The following UBE2E2 variants were observed in gnomAD, a reference collection of about 807,000 sequenced individuals.
The protein encoded by UBE2E2 is ubiquitin conjugating enzyme E2 E2, also known as ubiquitin-conjugating enzyme E2 E2.
In UBE2E2, 6 loss-of-function variants were observed where a neutral mutation model predicts 24.7. That is an observed-to-expected ratio of 0.24 (90% CI 0.13 to 0.48). The LOEUF (loss-of-function observed/expected upper bound fraction) is 0.48, where lower values mean the gene tolerates loss of function less well. Among genes scored for constraint, UBE2E2 ranks in the 20% least tolerant of loss-of-function variants. The probability of loss-of-function intolerance (pLI) is 0.99; values close to 1 mark genes in which losing one functional copy is unlikely to be tolerated. For synonymous variants in UBE2E2, 104 were observed against 83.6 expected, an observed-to-expected ratio of 1.24 and a Z score of -1.33; for missense variants, 169 against 245.0, an observed-to-expected ratio of 0.69 and a Z score of 2.07.
chr3:23,283,174 G>A (rs1435681383), intron 3 of UBE2E2, among the ~76,000 whole-genome samples: 2 of 151,964 alleles, frequency 1.3e-5, no homozygotes, highest in Admixed American at 6.6e-5. Context: ...AGGTTAGTAG[G>A]TGATGTCCCA....
intron 3 of UBE2E2, among the ~76,000 whole-genome samples, chr3:23,279,246 T>C (rs183259309): frequency 6.6e-6 from 1 of 151,962 alleles, no homozygotes; most frequent in East Asian, 1.9e-4. Context: ...TTCTTCAGTA[T>C]GTTAAAAAAT....
At chr3:23,343,020 C>A (rs1695441824) in intron 3 of UBE2E2, among the ~76,000 whole-genome samples, 1 of 151,998 alleles carries the variant, frequency 6.6e-6, no homozygotes, top group South Asian at 2.1e-4. Context: ...AACTAGTGGT[C>A]TGACATGAAA....
chr3:23,555,710 A>C (rs941681484), intron 5 of UBE2E2, among the ~76,000 whole-genome samples: 3 of 152,198 alleles, frequency 2.0e-5, no homozygotes, highest in African/African-American at 7.2e-5. Context: ...TTCAGCCTTT[A>C]AAAAGGAGAT....
intron 3 of UBE2E2, among the ~76,000 whole-genome samples, chr3:23,402,632 A>T (rs772190185): frequency 1.1e-4 from 16 of 152,226 alleles, no homozygotes; most frequent in Non-Finnish European, 2.1e-4. Context: ...ATTTAGAAAA[A>T]ATAACTTCAT....
chr3:23,567,518 T>A (rs960503919), intron 5 of UBE2E2, among the ~76,000 whole-genome samples: 5 of 152,052 alleles, frequency 3.3e-5, no homozygotes, highest in African/African-American at 1.2e-4. Flanking sequence ...AAGCAAAAGG[T>A]CACTTATAGG....
intron 3 of UBE2E2, among the ~76,000 whole-genome samples, chr3:23,284,898 C>G (rs1401718891): frequency 6.7e-6 from 1 of 149,184 alleles, no homozygotes; most frequent in Admixed American, 6.8e-5. Flanking sequence ...CCCTGTTGTT[C>G]TATCAAATAC....
intron 3 of UBE2E2, among the ~76,000 whole-genome samples, chr3:23,248,183 A>G (rs1408025125): frequency 6.6e-6 from 1 of 152,220 alleles, no homozygotes; most frequent in Non-Finnish European, 1.5e-5. Flanking sequence ...TCAGCTTCAC[A>G]CATTTCTGTA....
At chr3:23,355,899 C>G (rs773982974) in intron 3 of UBE2E2, among the ~76,000 whole-genome samples, 2 of 152,310 alleles carry the variant, frequency 1.3e-5, no homozygotes, top group East Asian at 1.9e-4. Flanking sequence ...AAAATTATAT[C>G]TCTTACGTAA....
intron 3 of UBE2E2, among the ~76,000 whole-genome samples, chr3:23,477,019 A>G (rs1475386754): frequency 2.0e-5 from 3 of 152,152 alleles, no homozygotes; most frequent in African/African-American, 7.3e-5. Flanking sequence ...AAAGAGATGT[A>G]ATTATTAACA....
chr3:23,356,915 T>G (rs895816942), intron 3 of UBE2E2, among the ~76,000 whole-genome samples: 1 of 152,196 alleles, frequency 6.6e-6, no homozygotes, highest in Non-Finnish European at 1.5e-5. Context: ...CATCAAAAGT[T>G]TATTTCTCCT....
At chr3:23,260,735 G>A (rs925849531) in intron 3 of UBE2E2, among the ~76,000 whole-genome samples, 4 of 152,106 alleles carry the variant, frequency 2.6e-5, no homozygotes, top group African/African-American at 7.2e-5. Context: ...CGAGGCTGTG[G>A]TAAGCTGTGT....
intron 5 of UBE2E2, among the ~76,000 whole-genome samples, chr3:23,561,553 G>A (rs1232252150): frequency 2.0e-5 from 3 of 151,400 alleles, no homozygotes; most frequent in Admixed American, 6.6e-5. Context: ...TTGGCAATGC[G>A]GGCTCTTTTT....
chr3:23,222,840 G>GTAC (rs55686321), intron 3 of UBE2E2, among the ~76,000 whole-genome samples: 41,425 of 151,894 alleles, frequency 0.27, 6,076 homozygotes, highest in Non-Finnish European at 0.33. Context: ...CAACAACAGT[G>GTAC]TACGAGCCTT....
At chr3:23,371,550 G>A (rs1005468733) in intron 3 of UBE2E2, among the ~76,000 whole-genome samples, 24 of 152,094 alleles carry the variant, frequency 1.6e-4, no homozygotes, top group African/African-American at 5.1e-4. Flanking sequence ...TATTTAAGAG[G>A]TATATGAGGG....
chr3:23,409,222 C>T (rs935665712), intron 3 of UBE2E2, among the ~76,000 whole-genome samples: 1 of 152,104 alleles, frequency 6.6e-6, no homozygotes, highest in Non-Finnish European at 1.5e-5. Flanking sequence ...AAAAATTCAA[C>T]ACAACATCAC....
intron 3 of UBE2E2, among the ~76,000 whole-genome samples, chr3:23,382,303 T>C (rs1274709519): frequency 1.4e-5 from 2 of 148,010 alleles, no homozygotes; most frequent in Non-Finnish European, 3.0e-5. Flanking sequence ...TGCCTCAGCC[T>C]CCAGAGTAGC....
intron 3 of UBE2E2, among the ~76,000 whole-genome samples, chr3:23,497,736 G>A (rs1221396066): frequency 6.6e-6 from 1 of 152,094 alleles, no homozygotes; most frequent in Non-Finnish European, 1.5e-5. Context: ...TTGTCAGCGA[G>A]TTTTTTCAAA....
At chr3:23,352,786 G>A (rs1161297236) in intron 3 of UBE2E2, among the ~76,000 whole-genome samples, 1 of 152,172 alleles carries the variant, frequency 6.6e-6, no homozygotes, top group Admixed American at 6.5e-5. Context: ...TGGATTCACA[G>A]CCGAATTCTA....
intron 3 of UBE2E2, among the ~76,000 whole-genome samples, chr3:23,283,131 A>G (rs1170301268): frequency 1.3e-5 from 2 of 152,166 alleles, no homozygotes; most frequent in Non-Finnish European, 2.9e-5. Context: ...AAGTTGATAA[A>G]TGCTACCTTC....
Sources: allele counts gnomAD v4.1 joint callset (sites outside exome capture counted in the v4.1 genomes callset), GRCh38; gene constraint gnomAD v4.1.1; transcripts MANE v1.5; gene names NCBI Gene and HGNC (gene_info 2026-07-23, HGNC 2026-07-21).